Variants in ALPK2 observed in about 807,000 individuals in gnomAD.
The protein encoded by ALPK2 is alpha-protein kinase 2.
ALPK2 carries 127 observed loss-of-function variants against 163.1 expected under a neutral mutation model. The ratio of observed to expected loss-of-function variants is 0.78; its 90% CI spans 0.67 to 0.90. The LOEUF (loss-of-function observed/expected upper bound fraction) is 0.90. ALPK2 is among the 40% of genes least tolerant of loss of function. The pLI is 0.00. For synonymous variants in ALPK2, 953 were observed against 959.1 expected (o/e 0.99, Z 0.12); for missense variants, 2,360 against 2,589.6 (o/e 0.91, Z 1.92).
In ALPK2 at chr18:58,611,747, T is replaced by C. The variant is rs1182769041; in HGVS notation, c.51A>G (p.Thr17=). The change falls in exon 2 of 13, where the codon ACA becomes ACG. Residue 17 remains threonine (T), a synonymous_variant. Coordinates refer to ENST00000361673, the MANE Select transcript of ALPK2 (RefSeq NM_052947.4). ...PQRPPLCFLS[T]LLSQKVPEKS... Reference sequence around the variant, plus strand: ...TCTCAGGAACCTTCTGGGAAAGCAATGTAGATAAAAAACACAGCGGGGGCC... The same window carrying C: ...TCTCAGGAACCTTCTGGGAAAGCAACGTAGATAAAAAACACAGCGGGGGCC... The C allele has an allele frequency of 3.1e-6, 5 of 1,612,310 alleles. No homozygotes were observed. The highest frequency in any genetic ancestry group is 4.2e-6 in the Non-Finnish European group (5 of 1,179,418).
chr18:58,593,786 G>A (rs1298746546), intron 3 of ALPK2, among the ~76,000 whole-genome samples: 1 of 151,682 alleles, frequency 6.6e-6, no homozygotes, highest in Non-Finnish European at 1.5e-5. Context: ...GCTGAGGCAT[G>A]AGAATTGTTT....
At chr18:58,616,923 A>T (rs2052172857) in intron 1 of ALPK2, among the ~76,000 whole-genome samples, 1 of 152,030 alleles carries the variant, frequency 6.6e-6, no homozygotes, top group Non-Finnish European at 1.5e-5. Context: ...GTGGGTGAGG[A>T]GTAGCCTTGG....
intron 1 of ALPK2, among the ~76,000 whole-genome samples, chr18:58,614,792 A>G (rs1454458749): frequency 5.9e-5 from 9 of 152,112 alleles, no homozygotes; most frequent in Admixed American, 2.0e-4. Flanking sequence ...TGTACAATTC[A>G]ATGGCTTTCA....
At chr18:58,588,374 G>A (rs560544107) in intron 3 of ALPK2, among the ~76,000 whole-genome samples, 5 of 152,170 alleles carry the variant, frequency 3.3e-5, no homozygotes, top group Admixed American at 1.3e-4. Context: ...GAGTGTACAC[G>A]TCAACACAGT....
At chr18:58,608,493 G>A (rs1276240775) in intron 2 of ALPK2, among the ~76,000 whole-genome samples, 1 of 152,244 alleles carries the variant, frequency 6.6e-6, no homozygotes, top group Non-Finnish European at 1.5e-5. Flanking sequence ...TAGCCTTCAT[G>A]TCACTGAAAA....
At chr18:58,494,667 A>G (rs916758270) in intron 12 of ALPK2, among the ~76,000 whole-genome samples, 2 of 149,490 alleles carry the variant, frequency 1.3e-5, no homozygotes, top group Non-Finnish European at 3.0e-5. Context: ...AGAACTTGCG[A>G]CTCTCCCTTT....
intron 4 of ALPK2, among the ~76,000 whole-genome samples, chr18:58,542,178 A>G (rs1284371451): frequency 6.6e-6 from 1 of 152,204 alleles, no homozygotes; most frequent in Admixed American, 6.5e-5. Context: ...GCTTAATTGG[A>G]TATAGCATGC....
intron 4 of ALPK2, among the ~76,000 whole-genome samples, chr18:58,542,810 G>C (rs577703205): frequency 9.2e-5 from 14 of 152,302 alleles, no homozygotes. Flanking sequence ...ATGCAGTGGC[G>C]TGGGTGTGCA....
chr18:58,611,994 G>C (rs1323808692), intron 1 of ALPK2, among the ~76,000 whole-genome samples, 177 bp from the exon 2 acceptor site: 1 of 152,158 alleles, frequency 6.6e-6, no homozygotes, highest in Non-Finnish European at 1.5e-5. Flanking sequence ...AGGTGGGCTG[G>C]ATCCTTCTGT....
rs766575069 is a variant in ALPK2, at chr18:58,537,340, C to T, written c.2847G>A (p.Glu949=). 3 of 1,614,040 alleles carry T rather than the reference C, an allele frequency of 1.9e-6. No individual in the cohort carries two copies. Among genetic ancestry groups the T allele is most frequent in the Non-Finnish European group, 2.5e-6 (3 of 1,179,966 alleles). The part of the protein sequence containing the change: ...GLDETQLLSS[E]NNPLVQFKEG... ...CTTTAAATTGCACTAAAGGATTGTTCTCAGAAGAAAGGAGCTGTGTTTCAT... is the reference window on the plus strand; with the variant it reads ...CTTTAAATTGCACTAAAGGATTGTTTTCAGAAGAAAGGAGCTGTGTTTCAT... Residue 949 remains glutamate, a synonymous_variant, in exon 5 of 13, where the codon GAG becomes GAA. Transcript: ENST00000361673.
intron 2 of ALPK2, among the ~76,000 whole-genome samples, chr18:58,609,618 C>A (rs932483265): frequency 1.3e-5 from 2 of 152,148 alleles, no homozygotes; most frequent in Non-Finnish European, 2.9e-5. Context: ...TTCCCCTGTG[C>A]AGTATAGATC....
intron 5 of ALPK2, 94 bp from the exon 6 acceptor site, chr18:58,529,332 AATT>A (rs2051600516): frequency 5.4e-6 from 7 of 1,290,378 alleles, no homozygotes; most frequent in Non-Finnish European, 6.3e-6. Flanking sequence ...CAGGAATATT[AATT>A]ATTATCCCCA....
At chr18:58,514,909 CCCTACTGTTCCT>C (rs2051513057) in intron 10 of ALPK2, 72 bp downstream of exon 10, 3 of 995,544 alleles carry the variant, frequency 3.0e-6, no homozygotes, top group Non-Finnish European at 4.5e-6. Flanking sequence ...GAAACACTTG[CCCTACTGTTCCT>C]TCTCACTCTC....
chr18:58,570,672 C>G (rs2051881238), intron 4 of ALPK2, among the ~76,000 whole-genome samples: 1 of 152,094 alleles, frequency 6.6e-6, no homozygotes, highest in African/African-American at 2.4e-5. Flanking sequence ...CTCTAGGTCT[C>G]TCTCTCACCC....
chr18:58,515,163 T>C (rs2051514782), intron 9 of ALPK2, 82 bp from the exon 10 acceptor site: 3 of 1,095,740 alleles, frequency 2.7e-6, no homozygotes, highest in Non-Finnish European at 3.9e-6. Context: ...TTCAGGAGAT[T>C]TCCCAGTAAG....
At chr18:58,523,028 G>A (rs2051563664) in intron 8 of ALPK2, among the ~76,000 whole-genome samples, 1 of 144,140 alleles carries the variant, frequency 6.9e-6, no homozygotes, top group South Asian at 2.3e-4. Context: ...TCGTCATTTA[G>A]CATTAGGTAT....
rs765010103 is a variant in ALPK2 at position 58,537,854 on chromosome 18, G to A, written c.2333C>T (p.Ser778Phe). Residue 778 changes from serine (S) to phenylalanine (F), a missense_variant, in exon 5 of 13, where the codon TCC (serine) becomes TTC (phenylalanine). Ser to Phe is a radical substitution (Grantham distance 155, BLOSUM62 -2). Transcript: ENST00000361673. The part of the protein sequence containing the change: ...FREPVAVSVA[S>F]PEPTDTALTL... The stretch of plus-strand genomic sequence containing the variant: ...GAGGGCAGTATCTGTGGGTTCAGGG[G>A]AAGCAACAGAGACAGCCACAGGCTC... 2 of 1,614,156 alleles carry A rather than the reference G, an allele frequency of 1.2e-6. No homozygotes were observed. The highest frequency in any genetic ancestry group is 1.7e-6 in the Non-Finnish European group (2 of 1,180,020).
intron 4 of ALPK2, among the ~76,000 whole-genome samples, chr18:58,554,772 G>T (rs982387813): frequency 4.6e-5 from 7 of 152,240 alleles, no homozygotes; most frequent in Admixed American, 4.6e-4. Flanking sequence ...GATATGGTTT[G>T]GCTGTGTCCC....
Position 58,537,248 on chromosome 18 carries a change from G to A in ALPK2, c.2939C>T (p.Ser980Leu), listed in dbSNP as rs750686473. The A allele has an allele frequency of 1.4e-5, 23 of 1,614,182 alleles. No homozygotes were observed. The highest frequency in any genetic ancestry group is 1.9e-5 in the Non-Finnish European group (22 of 1,180,024). ...DTTATPASYS[S>L]IVSFPWEKPT... ...CTTCTCCCAAGGAAAACTCACAATT[G>A]AACTATAACTGGCTGGTGTGGCTGT... is the stretch of plus-strand genomic sequence containing the variant. The change falls in exon 5 of 13, where the codon TCA (serine) becomes TTA (leucine). Residue 980 changes from serine to leucine, a missense_variant. Coordinates refer to ENST00000361673, the MANE Select transcript of ALPK2 (RefSeq NM_052947.4).
Sources: gnomAD v4.1 joint callset for allele counts (sites outside exome capture counted in the v4.1 genomes callset) on GRCh38, gnomAD v4.1.1 for gene constraint, MANE v1.5 for transcripts, NCBI Gene and HGNC (gene_info 2026-07-23, HGNC 2026-07-21) for gene names.